Variants in ANO2 observed in about 807,000 individuals in gnomAD.
The protein encoded by ANO2 is anoctamin-2.
Under a neutral mutation model 124.2 loss-of-function variants are expected in ANO2, and 101 were observed. That is an observed-to-expected ratio of 0.81 (90% CI 0.69 to 0.96). The LOEUF is 0.96. ANO2 is among the 40% of genes least tolerant of loss of function. The probability of loss-of-function intolerance (pLI) is 0.00; values close to 1 mark genes in which losing one functional copy is unlikely to be tolerated. For synonymous variants in ANO2, 486 were observed against 482.5 expected, an observed-to-expected ratio of 1.01 and a Z score of -0.09; for missense variants, 1,293 against 1,274.5, an observed-to-expected ratio of 1.01 and a Z score of -0.22.
intron 10 of ANO2, among the ~76,000 whole-genome samples, chr12:5,789,482 A>G (rs996932009): frequency 5.3e-4 from 81 of 152,212 alleles, no homozygotes; most frequent in African/African-American, 1.9e-3. Flanking sequence ...ATGAGCCTAC[A>G]TCTCTGAGGG....
At chr12:5,746,501 C>G (rs1951270894) in intron 11 of ANO2, among the ~76,000 whole-genome samples, 1 of 152,140 alleles carries the variant, frequency 6.6e-6, no homozygotes, top group Admixed American at 6.5e-5. Flanking sequence ...ATGAGGGAAG[C>G]CTGCCCAGAA....
chr12:5,590,504 T>G (rs1057008956), intron 20 of ANO2, among the ~76,000 whole-genome samples: 6 of 152,186 alleles, frequency 3.9e-5, no homozygotes, highest in Admixed American at 3.9e-4. Context: ...GCAGAAAGGC[T>G]TAGAAATGTT....
At chr12:5,628,703 T>C (rs1945541839) in intron 16 of ANO2, among the ~76,000 whole-genome samples, 1 of 152,002 alleles carries the variant, frequency 6.6e-6, no homozygotes, top group Non-Finnish European at 1.5e-5. Context: ...CGCGCACGCG[T>C]GCGTGCACAT....
chr12:5,653,183 C>G (rs781627345), intron 14 of ANO2, among the ~76,000 whole-genome samples: 8 of 152,270 alleles, frequency 5.3e-5, no homozygotes, highest in Non-Finnish European at 1.0e-4. Context: ...CTTTGGGAAG[C>G]CCACAAAGGA....
chr12:5,883,546 G>GGTA (rs1938664020), intron 3 of ANO2, among the ~76,000 whole-genome samples: 1 of 139,974 alleles, frequency 7.1e-6, no homozygotes, highest in Non-Finnish European at 1.5e-5. Flanking sequence ...TGTGTGTGGT[G>GGTA]TCTGCCCAGC....
chr12:5,876,130 C>T lies in ANO2; in HGVS notation c.535-21989G>A, dbSNP rs565962225. On this transcript the variant is annotated intron_variant, in intron 3 of 24. Coordinates refer to ENST00000682330, the MANE Select transcript of ANO2 (RefSeq NM_001364791.2). ...CCTCAGTCTGCTATTCTGGCCATGGCCCAAATACCCATTGAAATTAAGTCC... is the reference window on the plus strand; with the variant it reads ...CCTCAGTCTGCTATTCTGGCCATGGTCCAAATACCCATTGAAATTAAGTCC... Among the ~76,000 whole-genome samples the T allele has an allele frequency of 2.6e-5, 4 of 152,194 alleles. No individual in the cohort carries two copies. The East Asian group carries it at 7.8e-4, about 30-fold the overall frequency.
chr12:5,672,525 T>C (rs1948059046), intron 14 of ANO2, among the ~76,000 whole-genome samples: 1 of 152,230 alleles, frequency 6.6e-6, no homozygotes, highest in Admixed American at 6.5e-5. Context: ...CAGTTGAGTT[T>C]GGACCCAGAG....
chr12:5,863,756 C>T (rs1955342832), intron 3 of ANO2, among the ~76,000 whole-genome samples: 2 of 151,910 alleles, frequency 1.3e-5, no homozygotes, highest in Non-Finnish European at 2.9e-5. Context: ...AAAAGATATG[C>T]AAAAATGTAA....
intron 14 of ANO2, among the ~76,000 whole-genome samples, chr12:5,719,015 G>C (rs7306492): frequency 1.3e-5 from 2 of 152,162 alleles, no homozygotes; most frequent in African/African-American, 2.4e-5. Flanking sequence ...CAGCCCTTCT[G>C]ACACCTTCCT....
At position 5,623,186 on chromosome 12, in the gene ANO2, A is replaced by G. The variant is rs58294295; in HGVS notation, c.1817-7889T>C. Among the ~76,000 whole-genome samples, 478 of 152,062 alleles carry G rather than the reference A, an allele frequency of 3.1e-3. 1 individual carries two copies. The highest frequency in any genetic ancestry group is 0.011 in the African/African-American group (440 of 41,466). ...ATGGTCCAGCCTTGTGCTTTGAACA[A>G]CTCCAAATAAAGTACCTTCAGATTG... On this transcript the variant is annotated intron_variant, in intron 16 of 24. Transcript: ENST00000682330.
intron 23 of ANO2, among the ~76,000 whole-genome samples, chr12:5,574,247 C>G (rs927605714): frequency 6.6e-5 from 10 of 152,170 alleles, no homozygotes; most frequent in African/African-American, 2.4e-4. Context: ...TTATTCCCCT[C>G]TGCTCTTATT....
rs1440539838 is a variant in ANO2, at chr12:5,578,046, C to A, written c.2387-39G>T. On this transcript the variant is annotated intron_variant, in intron 21 of 24. Coordinates refer to ENST00000682330, the MANE Select transcript of ANO2 (RefSeq NM_001364791.2). Reference sequence around the variant, plus strand: ...AAGACAGCGTCTGGCTCACTCCCGCCCTCGGCCCAGTGATGACAACGCTGA... The same window carrying A: ...AAGACAGCGTCTGGCTCACTCCCGCACTCGGCCCAGTGATGACAACGCTGA... The A allele has an allele frequency of 2.5e-6, 4 of 1,603,080 alleles. No homozygotes were observed. The East Asian group carries it at 8.9e-5, about 36-fold the overall frequency.
rs763515201 is a variant in ANO2 at position 5,832,476 on chromosome 12, G to T, written c.761C>A (p.Pro254Gln). The T allele has an allele frequency of 1.9e-6, 3 of 1,613,872 alleles. No individual in the cohort carries two copies. Residue 254 changes from proline (P) to glutamine (Q), a missense_variant, in exon 5 of 25, where the codon CCA (proline) becomes CAA (glutamine). Coordinates refer to ENST00000682330, the MANE Select transcript of ANO2 (RefSeq NM_001364791.2). Reference sequence around the variant, plus strand: ...CAGGTACATCTTCTCCCTGGAGAATGGGTAGGAGAGGTTTTTCATCTTGTT... The same window carrying T: ...CAGGTACATCTTCTCCCTGGAGAATTGGTAGGAGAGGTTTTTCATCTTGTT... ...SNNKMKNLSY[P>Q]FSREKMYLYN... is the part of the protein sequence containing the mutation.
chr12:5,754,831 G>A (rs1278457493), intron 10 of ANO2, among the ~76,000 whole-genome samples: 7 of 151,762 alleles, frequency 4.6e-5, no homozygotes, highest in Non-Finnish European at 8.8e-5. Flanking sequence ...CTTTTCATTA[G>A]TCTAACTAAG....
At chr12:5,563,917 C>T (rs1262589532) in intron 24 of ANO2, among the ~76,000 whole-genome samples, 2 of 152,204 alleles carry the variant, frequency 1.3e-5, no homozygotes, top group Non-Finnish European at 2.9e-5. Flanking sequence ...CCAGTTCTTG[C>T]TTCTTGGCCT....
chr12:5,583,834 G>C (rs1216907254), intron 20 of ANO2: 3 of 185,756 alleles, frequency 1.6e-5, no homozygotes, highest in African/African-American at 7.2e-5. Context: ...TGACTTCAGA[G>C]CCAGAGGGGA....
intron 20 of ANO2, among the ~76,000 whole-genome samples, chr12:5,595,371 TTTTTC>T (rs564691192): frequency 9.2e-5 from 14 of 151,884 alleles, no homozygotes; most frequent in African/African-American, 2.4e-4. Flanking sequence ...CTACTGTTTT[TTTTTC>T]TTTTCTTTTC....
Position 5,565,667 on chromosome 12 carries a change from C to T in ANO2, c.2622-4G>A, listed in dbSNP as rs1443672841. 1 of 1,582,334 alleles carries T rather than the reference C, an allele frequency of 6.3e-7. No individual in the cohort carries two copies. Among genetic ancestry groups the T allele is most frequent in the Non-Finnish European group, 8.6e-7 (1 of 1,164,346 alleles). On this transcript the variant is annotated splice_polypyrimidine_tract_variant and splice_region_variant and intron_variant, in intron 23 of 24. Transcript: ENST00000682330. The stretch of plus-strand genomic sequence containing the variant: ...CGGCTCTCGGTAATCCTTAAACCTG[C>T]CCAAAGAGAAATGTGGTGTTAAGAT...
intron 10 of ANO2, among the ~76,000 whole-genome samples, chr12:5,762,549 G>GT (rs1396415776): frequency 1.3e-5 from 2 of 151,860 alleles, no homozygotes; most frequent in African/African-American, 2.4e-5. Context: ...AACATGTGGA[G>GT]TTTTTTGTTA....
Sources: allele counts gnomAD v4.1 joint callset (sites outside exome capture counted in the v4.1 genomes callset), GRCh38; gene constraint gnomAD v4.1.1; transcripts MANE v1.5; gene names NCBI Gene and HGNC (gene_info 2026-07-23, HGNC 2026-07-21).